SMPD4: variants seen among roughly 807,000 people sequenced by gnomAD.
SMPD4 encodes neutral sphingomyelinase 3.
In SMPD4, 58 loss-of-function variants were observed where a neutral mutation model predicts 97.8. The observed-to-expected ratio is 0.59, with a 90% CI of 0.48 to 0.74. The LOEUF (loss-of-function observed/expected upper bound fraction) is 0.74, where lower values mean the gene tolerates loss of function less well. SMPD4 is among the 30% of genes least tolerant of loss of function. SMPD4 has a pLI of 0.00. For synonymous variants in SMPD4, 388 were observed against 450.0 expected (o/e 0.86, Z 1.74); for missense variants, 853 against 1,080.5 (o/e 0.79, Z 2.95).
rs537719298 is a variant in SMPD4 at position 130,157,172 on chromosome 2, G to C, written c.1097+79C>G. The C allele has an allele frequency of 3.9e-6, 6 of 1,528,768 alleles. No homozygotes were observed. The East Asian group carries it at 1.5e-4, about 37-fold the overall frequency. 94.7% of individuals were successfully genotyped at this position (1,528,768 alleles called of 1,614,324 possible). On this transcript the variant is annotated intron_variant, in intron 12 of 19. Coordinates refer to ENST00000680298, the MANE Select transcript of SMPD4 (RefSeq NM_017951.5). ...CTCACCCTGCCCTCCATGCCCTGGG[G>C]AGAGGTCGCTGTGGGCGACACCTTA...
Position 130,173,353 on chromosome 2 carries a change from C to T in SMPD4, c.271G>A (p.Gly91Ser), listed in dbSNP as rs761830140. The T allele has an allele frequency of 6.2e-7, 1 of 1,612,274 alleles. No homozygotes were observed. The highest frequency in any genetic ancestry group is 8.5e-7 in the Non-Finnish European group (1 of 1,179,426). Reference protein sequence around the residue: ...SIVMEFLDPGGPMMKLVYKLQ... With the variant: ...SIVMEFLDPGSPMMKLVYKLQ... The stretch of plus-strand genomic sequence containing the variant: ...TTATAAACCAACTTCATCATTGGGC[C>T]ACTGAACACGAAATTGAACAAACAA... Residue 91 changes from glycine (G) to serine (S), a missense_variant and splice_region_variant, in exon 5 of 20, where the codon GGC (glycine) becomes AGC (serine). Gly to Ser is a moderately conservative substitution (Grantham distance 56). Around this residue, in one of 3 missense-constraint regions of SMPD4, gnomAD observed 313 missense variants for 402.2 expected, o/e 0.78. Transcript: ENST00000680298.
intron 9 of SMPD4, among the ~76,000 whole-genome samples, chr2:130,166,789 A>C (rs1312471596): frequency 2.0e-5 from 3 of 152,258 alleles, no homozygotes; most frequent in Non-Finnish European, 4.4e-5. Flanking sequence ...TGGGCAGACA[A>C]GGAAATCTGT....
At chr2:130,173,135 T>C in intron 5 of SMPD4, 144 bp downstream of exon 5, 1 of 1,013,382 alleles carries the variant, frequency 9.9e-7, no homozygotes. Flanking sequence ...AGTCATGCAA[T>C]ACCCATTTCC....
intron 12 of SMPD4, 187 bp from the exon 13 acceptor site, chr2:130,156,862 GAC>G: frequency 6.6e-7 from 1 of 1,504,986 alleles, no homozygotes; most frequent in Non-Finnish European, 9.0e-7. Context: ...ACATCCCAAG[GAC>G]ACACAGCACG....
Position 130,167,536 on chromosome 2 carries a change from C to T in SMPD4, c.714G>A (p.Lys238=). Residue 238 remains lysine, a synonymous_variant, in exon 9 of 20, where the codon AAG becomes AAA. Transcript: ENST00000680298. Reference sequence around the variant, plus strand: ...CAGACGTCTGATGAGAGATGTGTCGCTTTAGGAGGCTAGTGTGGTGGAGGC... The same window carrying T: ...CAGACGTCTGATGAGAGATGTGTCGTTTTAGGAGGCTAGTGTGGTGGAGGC... ...SYGLHHTSLL[K]RHISHQTSVN... 1 of 1,613,818 alleles carries T rather than the reference C, an allele frequency of 6.2e-7. No individual in the cohort carries two copies. Among genetic ancestry groups the T allele is most frequent in the Non-Finnish European group, 8.5e-7 (1 of 1,179,820 alleles).
At chr2:130,161,999 G>A (rs1310298671) in intron 10 of SMPD4, among the ~76,000 whole-genome samples, 2 of 152,234 alleles carry the variant, frequency 1.3e-5, no homozygotes, top group Admixed American at 6.5e-5. Context: ...GCACAGAGAC[G>A]AGGAGCACAG....
At chr2:130,162,931 T>C (rs1558750583) in intron 10 of SMPD4, among the ~76,000 whole-genome samples, 1 of 152,040 alleles carries the variant, frequency 6.6e-6, no homozygotes, top group Non-Finnish European at 1.5e-5. Flanking sequence ...AGGAAGCAAA[T>C]GTGGGGAAGA....
intron 8 of SMPD4, among the ~76,000 whole-genome samples, chr2:130,171,609 C>T (rs1445916085): frequency 6.6e-6 from 1 of 152,210 alleles, no homozygotes. Flanking sequence ...CTCCTTGCCA[C>T]TCCCTTTCTC....
intron 16 of SMPD4, 165 bp from the exon 17 acceptor site, chr2:130,154,100 A>T: frequency 8.9e-7 from 1 of 1,117,476 alleles, no homozygotes; most frequent in Non-Finnish European, 1.3e-6. Flanking sequence ...AAATTTCCCA[A>T]GAAACACTGC....
At chr2:130,181,368 C>T in intron 1 of SMPD4, 162 bp downstream of exon 1, 1 of 1,443,408 alleles carries the variant, frequency 6.9e-7, no homozygotes, top group South Asian at 1.5e-5. Flanking sequence ...TGGCAGAAGA[C>T]TCAACCGGGG....
rs768466460 is a variant in SMPD4, at chr2:130,154,361, G to A, written c.1575C>T (p.Ser525=). The A allele has an allele frequency of 5.6e-6, 9 of 1,611,994 alleles. No individual in the cohort carries two copies. Among genetic ancestry groups the A allele is most frequent in the Non-Finnish European group, 6.8e-6 (8 of 1,179,342 alleles). ...TGTAGACGTGGCTCTTCACCTTGAA[G>A]GAGGCATCAGTGACCGCTGGTGGCC... ...SPWPPAVTDA[S]FKVKSHVYSL... The change falls in exon 16 of 20, where the codon TCC becomes TCT. Residue 525 remains serine, a synonymous_variant. Transcript: ENST00000680298.
chr2:130,159,050 A>G (rs955855357), intron 11 of SMPD4, among the ~76,000 whole-genome samples: 3 of 152,014 alleles, frequency 2.0e-5, no homozygotes, highest in African/African-American at 7.2e-5. Context: ...CCCGCGCTGT[A>G]GTGTCGTGGT....
chr2:130,175,745 C>G (rs1394375858), intron 2 of SMPD4, among the ~76,000 whole-genome samples: 1 of 152,192 alleles, frequency 6.6e-6, no homozygotes, highest in Non-Finnish European at 1.5e-5. Context: ...GAATTTCAAC[C>G]TAGAGAGCTT....
chr2:130,164,238 C>T (rs1486694866), intron 10 of SMPD4, 136 bp downstream of exon 10: 9 of 754,280 alleles, frequency 1.2e-5, no homozygotes, highest in Non-Finnish European at 1.9e-5. Context: ...TCTTATTTGG[C>T]TTCTGAGTGA....
In SMPD4 at chr2:130,167,605, G is replaced by C; in HGVS notation, c.660-15C>G. On this transcript the variant is annotated splice_polypyrimidine_tract_variant and intron_variant, in intron 8 of 19. Coordinates refer to ENST00000680298, the MANE Select transcript of SMPD4 (RefSeq NM_017951.5). ...TGGCTGGTGTCCTGAGGGAGACACA[G>C]AAACAGGCCCGAGTTACAGGCTCCC... is the stretch of plus-strand genomic sequence containing the variant. 2 of 1,585,840 alleles carry C rather than the reference G, an allele frequency of 1.3e-6. No homozygotes were observed. The highest frequency in any genetic ancestry group is 1.7e-6 in the Non-Finnish European group (2 of 1,162,796).
intron 11 of SMPD4, among the ~76,000 whole-genome samples, chr2:130,158,994 G>A (rs1474388074): frequency 6.6e-6 from 1 of 152,112 alleles, no homozygotes; most frequent in Non-Finnish European, 1.5e-5. Context: ...GGAGCTATGG[G>A]GTGGGAGGCA....
At chr2:130,163,804 G>A (rs2599755) in intron 10 of SMPD4, among the ~76,000 whole-genome samples, 8 of 152,254 alleles carry the variant, frequency 5.3e-5, no homozygotes, top group Admixed American at 3.3e-4. Flanking sequence ...TGAAAGCAGC[G>A]TGCTGCCCAG....
intron 14 of SMPD4, among the ~76,000 whole-genome samples, chr2:130,155,566 C>T (rs1054929243): frequency 1.3e-5 from 2 of 152,066 alleles, no homozygotes; most frequent in African/African-American, 4.8e-5. Context: ...GGGAGGATCC[C>T]CCAGAGGGTC....
At chr2:130,175,858 C>A (rs573570390) in intron 2 of SMPD4, among the ~76,000 whole-genome samples, 1 of 152,360 alleles carries the variant, frequency 6.6e-6, no homozygotes, top group Admixed American at 6.5e-5. Context: ...TGGGCCAGAC[C>A]TGTTGACTCT....
Sources: allele counts gnomAD v4.1 joint callset (sites outside exome capture counted in the v4.1 genomes callset), GRCh38; gene constraint gnomAD v4.1.1; regional missense constraint gnomAD v4.1.1; transcripts MANE v1.5; gene names NCBI Gene and HGNC (gene_info 2026-07-23, HGNC 2026-07-21).